CAPN5: variants seen among roughly 807,000 people sequenced by gnomAD.
The protein encoded by CAPN5 is calpain-5.
In CAPN5, 54 loss-of-function variants were observed where a neutral mutation model predicts 73.0. The observed-to-expected ratio is 0.74, with a 90% CI of 0.59 to 0.93. The LOEUF (loss-of-function observed/expected upper bound fraction) is 0.93. Ranked by LOEUF, CAPN5 falls within the 40% of genes least tolerant of loss-of-function variation. The probability of loss-of-function intolerance (pLI) is 0.00; values close to 1 mark genes in which losing one functional copy is unlikely to be tolerated. For synonymous variants in CAPN5, 335 were observed against 356.9 expected, an observed-to-expected ratio of 0.94 and a Z score of 0.69; for missense variants, 785 against 882.9, an observed-to-expected ratio of 0.89 and a Z score of 1.41.
intron 3 of CAPN5, among the ~76,000 whole-genome samples, chr11:77,100,922 G>A (rs1443175116): frequency 2.0e-5 from 3 of 152,250 alleles, no homozygotes; most frequent in East Asian, 1.9e-4. Context: ...GCCACAGCCC[G>A]GGCCCGGAAC....
At chr11:77,071,081 C>A (rs1210118288) in intron 1 of CAPN5, among the ~76,000 whole-genome samples, 1 of 152,198 alleles carries the variant, frequency 6.6e-6, no homozygotes, top group African/African-American at 2.4e-5. Context: ...GTCATTCAGC[C>A]CACCCCAGGA....
intron 5 of CAPN5, among the ~76,000 whole-genome samples, chr11:77,115,069 A>G (rs1555041460): frequency 6.6e-6 from 1 of 152,172 alleles, no homozygotes; most frequent in Admixed American, 6.5e-5. Flanking sequence ...ATCCAAAAAA[A>G]AAACAAAAAA....
chr11:77,102,408 C>T (rs2233544), intron 3 of CAPN5, among the ~76,000 whole-genome samples: 1,607 of 152,288 alleles, frequency 0.011, 25 homozygotes, highest in African/African-American at 0.035. Context: ...CCTGCTCCTG[C>T]GGGTCTTGCA....
chr11:77,120,534 T>C, intron 9 of CAPN5, 179 bp from the exon 10 acceptor site: 1 of 523,948 alleles, frequency 1.9e-6, no homozygotes, highest in South Asian at 3.3e-5. Flanking sequence ...CCCATTGACC[T>C]CTTCCCTTCA....
chr11:77,098,750 C>T (rs1283014035), intron 3 of CAPN5, among the ~76,000 whole-genome samples: 2 of 19,030 alleles, frequency 1.1e-4, no homozygotes, highest in Admixed American at 5.0e-4. Context: ...ACCTCCCTCC[C>T]GGATGGCACG....
At chr11:77,109,740 C>G (rs1950392830) in intron 3 of CAPN5, among the ~76,000 whole-genome samples, 1 of 152,206 alleles carries the variant, frequency 6.6e-6, no homozygotes, top group South Asian at 2.1e-4. Flanking sequence ...CCACCCCGTG[C>G]CAGGTGCAGG....
chr11:77,088,462 G>A (rs1486379495), intron 2 of CAPN5, among the ~76,000 whole-genome samples: 1 of 152,154 alleles, frequency 6.6e-6, no homozygotes, highest in African/African-American at 2.4e-5. Context: ...AGTGGGGTCA[G>A]GGAGAGCTTT....
chr11:77,091,671 G>C (rs561315573), intron 2 of CAPN5, among the ~76,000 whole-genome samples: 2 of 152,210 alleles, frequency 1.3e-5, no homozygotes, highest in African/African-American at 4.8e-5. Flanking sequence ...GAGGAAGAGG[G>C]GCCTGCTCTG....
intron 2 of CAPN5, among the ~76,000 whole-genome samples, chr11:77,092,098 G>A (rs1362049283): frequency 6.6e-6 from 1 of 152,092 alleles, no homozygotes. Flanking sequence ...GTGGGCCTAC[G>A]GTCCCAGCTA....
At chr11:77,110,234 C>G (rs7107129) in intron 3 of CAPN5, among the ~76,000 whole-genome samples, 8 of 151,972 alleles carry the variant, frequency 5.3e-5, no homozygotes, top group Non-Finnish European at 8.8e-5. Context: ...ATTACAGGCA[C>G]GCACCACCAC....
intron 3 of CAPN5, among the ~76,000 whole-genome samples, chr11:77,096,185 C>T (rs1409672630): frequency 1.3e-5 from 2 of 152,122 alleles, no homozygotes; most frequent in Admixed American, 1.3e-4. Context: ...CTGCCCTCCC[C>T]ACCTCACACT....
rs74410272 is a variant in CAPN5 at position 77,087,324 on chromosome 11, C to T, written c.165+2273C>T. Among the ~76,000 whole-genome samples the T allele has an allele frequency of 1.3e-3, 201 of 152,320 alleles. 2 individuals carry two copies. The highest frequency in any genetic ancestry group is 4.7e-3 in the African/African-American group (195 of 41,578). On this transcript the variant is annotated intron_variant, in intron 2 of 12. Coordinates refer to ENST00000648180, the MANE Select transcript of CAPN5 (RefSeq NM_004055.5). ...CCAGCCCAGTGGGTTATCATTAACGCCCAGCTGCTTGCCAGTGAGAGGGAA... is the reference window on the plus strand; with the variant it reads ...CCAGCCCAGTGGGTTATCATTAACGTCCAGCTGCTTGCCAGTGAGAGGGAA...
intron 9 of CAPN5, 144 bp downstream of exon 9, chr11:77,119,296 G>A (rs1555042313): frequency 3.3e-6 from 3 of 902,666 alleles, no homozygotes; most frequent in African/African-American, 1.7e-5. Context: ...TGAGGATGCC[G>A]TGGCATGGGC....
At position 77,095,850 on chromosome 11, in the gene CAPN5, T is replaced by C. The variant is rs782564514; in HGVS notation, c.297+2037T>C. 4.5e-4 allele frequency among the ~76,000 whole-genome samples: 68 copies of C among 152,206 alleles called. 1 individual carries two copies. The highest frequency in any genetic ancestry group is 2.9e-4 in the Non-Finnish European group (20 of 68,002). On this transcript the variant is annotated intron_variant, in intron 3 of 12. Transcript: ENST00000648180. ...GGCCAAAGGTTCCTATTGCAGGGAG[T>C]TGGGGCACCTGGCCTGGCTGGTCTG...
intron 1 of CAPN5, among the ~76,000 whole-genome samples, chr11:77,082,052 G>T (rs1211338546): frequency 6.6e-6 from 1 of 152,136 alleles, no homozygotes; most frequent in Non-Finnish European, 1.5e-5. Context: ...CCCTGGAGGG[G>T]CACAGGGTAG....
At position 77,121,942 on chromosome 11, in the gene CAPN5, G is replaced by T. The variant is rs140490506; in HGVS notation, c.1496G>T (p.Arg499Leu). Reference sequence around the variant, plus strand: ...CTGCCGCCCCATATCAGGGAGCTGCGCCTGGATGAGCCCCCACACACCTGC... The same window carrying T: ...CTGCCGCCCCATATCAGGGAGCTGCTCCTGGATGAGCCCCCACACACCTGC... ...TDVPSNCREL[R>L]LDEPPHTCWS... is the part of the protein sequence containing the mutation. The change falls in exon 11 of 13, where the codon CGC (arginine) becomes CTC (leucine). Residue 499 changes from arginine to leucine, a missense_variant. By Grantham distance (102) the Arg-to-Leu change is moderately radical. Transcript: ENST00000648180. 1.3e-6 allele frequency: 2 copies of T among 1,544,970 alleles called. No homozygotes were observed. The highest frequency in any genetic ancestry group is 2.5e-5 in the East Asian group (1 of 40,614).
chr11:77,082,181 G>A (rs1477424193), intron 1 of CAPN5, among the ~76,000 whole-genome samples: 6 of 152,060 alleles, frequency 3.9e-5, no homozygotes, highest in African/African-American at 1.5e-4. Flanking sequence ...CAGTCTTGTG[G>A]GAGCTGCGAG....
chr11:77,112,636 C>T lies in CAPN5; in HGVS notation c.345C>T (p.Asn115=), dbSNP rs1283126002. The part of the protein sequence containing the change: ...KEQEWDPEKP[N]AYAGIFHFHF... ...AGGAATGGGACCCCGAAAAGCCCAACGCCTACGCGGGCATCTTCCACTTCC... is the reference window on the plus strand; with the variant it reads ...AGGAATGGGACCCCGAAAAGCCCAATGCCTACGCGGGCATCTTCCACTTCC... The change falls in exon 4 of 13, where the codon AAC becomes AAT. Residue 115 remains asparagine, a synonymous_variant. Transcript: ENST00000648180. The T allele has an allele frequency of 1.5e-5, 25 of 1,614,070 alleles. No individual in the cohort carries two copies. The highest frequency in any genetic ancestry group is 2.7e-5 in the African/African-American group (2 of 74,928).
At chr11:77,107,112 G>A (rs1284032778) in intron 3 of CAPN5, among the ~76,000 whole-genome samples, 1 of 152,186 alleles carries the variant, frequency 6.6e-6, no homozygotes, top group Non-Finnish European at 1.5e-5. Flanking sequence ...AGAGCAGCAG[G>A]GCTCTGCTCT....
Sources: gnomAD v4.1 joint callset for allele counts (sites outside exome capture counted in the v4.1 genomes callset) on GRCh38, gnomAD v4.1.1 for gene constraint, MANE v1.5 for transcripts, NCBI Gene and HGNC (gene_info 2026-07-23, HGNC 2026-07-21) for gene names.